Variants in SHANK2 observed in about 807,000 individuals in gnomAD.
The protein encoded by SHANK2 is SH3 and multiple ankyrin repeat domains 2.
Under a neutral mutation model 133.7 loss-of-function variants are expected in SHANK2, and 43 were observed. The ratio of observed to expected loss-of-function variants is 0.32; its 90% CI spans 0.25 to 0.41. The LOEUF (loss-of-function observed/expected upper bound fraction) is 0.41, where lower values mean the gene tolerates loss of function less well. SHANK2 is among the 10% of genes least tolerant of loss of function. SHANK2 has a pLI of 1.00. For missense variants in SHANK2, 1,994 were observed against 2,235.8 expected (o/e 0.89, Z 2.18); for synonymous variants, 1,017 against 952.8 (o/e 1.07, Z -1.24).
intron 17 of SHANK2, among the ~76,000 whole-genome samples, chr11:70,514,981 G>A (rs1554969754): frequency 6.6e-6 from 1 of 152,224 alleles, no homozygotes; most frequent in African/African-American, 2.4e-5. Context: ...CAAAGACACT[G>A]AGAGGCTGAG....
intron 11 of SHANK2, among the ~76,000 whole-genome samples, chr11:70,837,034 C>A (rs1226236967): frequency 6.6e-6 from 1 of 152,178 alleles, no homozygotes; most frequent in Non-Finnish European, 1.5e-5. Context: ...CGTCTGCAAG[C>A]CAGGAAGGGA....
Position 71,147,303 on chromosome 11 carries a change from G to A in SHANK2, c.24C>T (p.Ser8=), listed in dbSNP as rs782379926. 31 of 1,550,714 alleles carry A rather than the reference G, an allele frequency of 2.0e-5. No individual in the cohort carries two copies. Among genetic ancestry groups the A allele is most frequent in the African/African-American group, 1.8e-4 (13 of 73,036 alleles). MPRSPTS[S]EDEMAQSFSD... is the part of the protein sequence containing the mutation. ...AGAAGCTCTGGGCCATCTCGTCCTC[G>A]CTGGATGTTGGGCTGCGCGGCATGG... The change falls in exon 3 of 26, where the codon AGC becomes AGT. Residue 8 remains serine (S), a synonymous_variant. Coordinates refer to ENST00000601538, the MANE Select transcript of SHANK2 (RefSeq NM_012309.5).
At chr11:70,897,781 C>T (rs1949957963) in intron 10 of SHANK2, among the ~76,000 whole-genome samples, 1 of 151,966 alleles carries the variant, frequency 6.6e-6, no homozygotes, top group African/African-American at 2.4e-5. Context: ...AGGACCTTTC[C>T]TTTAGGTCAT....
intron 17 of SHANK2, among the ~76,000 whole-genome samples, chr11:70,625,477 GCAAA>G (rs2060892026): frequency 6.6e-6 from 1 of 152,096 alleles, no homozygotes; most frequent in African/African-American, 2.4e-5. Context: ...AAGCCCCCAG[GCAAA>G]CAGAGACACA....
At chr11:70,687,903 C>G (rs1333508234) in intron 15 of SHANK2, among the ~76,000 whole-genome samples, 1 of 152,202 alleles carries the variant, frequency 6.6e-6, no homozygotes, top group African/African-American at 2.4e-5. Flanking sequence ...CACCGGTGTC[C>G]CCACCATCCA....
chr11:71,211,821 CT>C (rs200050436), intron 2 of SHANK2, among the ~76,000 whole-genome samples: 3,389 of 152,124 alleles, frequency 0.022, 51 homozygotes, highest in African/African-American at 0.034. Flanking sequence ...CTCTTTCATT[CT>C]TTTTTTCACT....
intron 17 of SHANK2, among the ~76,000 whole-genome samples, chr11:70,508,904 G>C (rs1260338830): frequency 2.0e-5 from 3 of 152,136 alleles, no homozygotes; most frequent in African/African-American, 4.8e-5. Flanking sequence ...AAAGAGAGTC[G>C]GGGGAGTCTG....
chr11:70,579,948 C>T (rs549843958), intron 17 of SHANK2, among the ~76,000 whole-genome samples: 5 of 152,198 alleles, frequency 3.3e-5, no homozygotes, highest in Non-Finnish European at 7.3e-5. Flanking sequence ...GTGGAAAAGG[C>T]AAGGAAACAG....
At chr11:70,559,501 C>T (rs1179797712) in intron 17 of SHANK2, among the ~76,000 whole-genome samples, 9 of 152,188 alleles carry the variant, frequency 5.9e-5, no homozygotes, top group African/African-American at 1.9e-4. Context: ...CATTCCCTAG[C>T]AGGACCCCCA....
chr11:70,485,841 G>C lies in SHANK2; in HGVS notation c.4452C>G (p.Asp1484Glu). ...CCTCGATCCCAGAGTCGGCGACGGC[G>C]TCAAAGCTTTCAGGGGGTGGCAGGA... ...ASFLPPPESF[D>E]AVADSGIEEV... Residue 1484 changes from aspartate (D) to glutamate (E), a missense_variant, in exon 25 of 26, where the codon GAC becomes GAG. By Grantham distance (45) the Asp-to-Glu change is conservative (BLOSUM62 2). Around this residue, in one of 5 missense-constraint regions of SHANK2, gnomAD observed 797 missense variants for 907.4 expected, o/e 0.88. Transcript: ENST00000601538. The surrounding 1 kb of genome is among the most constrained non-coding windows in gnomAD (Gnocchi z 5.8). 1 of 1,614,008 alleles carries C rather than the reference G, an allele frequency of 6.2e-7. No homozygotes were observed. The highest frequency in any genetic ancestry group is 2.2e-5 in the East Asian group (1 of 44,878).
Position 71,070,907 on chromosome 11 carries a change from C to A in SHANK2, c.1029+4252G>T, listed in dbSNP as rs1951134220. On this transcript the variant is annotated intron_variant, in intron 9 of 25. Transcript: ENST00000601538. ...CTGAGAGCCCCAGCCAGCTTGGGAC[C>A]CTCCTGGAGCCGGCAGCTGAGGCAT... 2.0e-5 allele frequency among the ~76,000 whole-genome samples: 3 copies of A among 152,264 alleles called. No individual in the cohort carries two copies. In the East Asian group the frequency reaches 5.8e-4, roughly 29 times the overall value.
chr11:70,589,050 C>T (rs1227028007), intron 17 of SHANK2, among the ~76,000 whole-genome samples: 3 of 152,218 alleles, frequency 2.0e-5, no homozygotes. Flanking sequence ...ATCTCCTGAC[C>T]TCATGACCCT....
chr11:70,847,372 G>A (rs1318107909), intron 11 of SHANK2, among the ~76,000 whole-genome samples: 3 of 152,178 alleles, frequency 2.0e-5, no homozygotes, highest in African/African-American at 7.2e-5. Flanking sequence ...GTGGTGACGG[G>A]GTTGGCAGCA....
chr11:71,204,654 G>A (rs929894980), intron 2 of SHANK2, among the ~76,000 whole-genome samples: 7 of 152,152 alleles, frequency 4.6e-5, no homozygotes, highest in Non-Finnish European at 1.0e-4. Flanking sequence ...GGGTCCCCTC[G>A]AGGTTTCAGC....
chr11:70,535,106 G>A lies in SHANK2; in HGVS notation c.2062-32175C>T, dbSNP rs1288402800. Among the ~76,000 whole-genome samples the A allele has an allele frequency of 6.6e-6, 1 of 152,182 alleles. No homozygotes were observed. The highest frequency in any genetic ancestry group is 1.5e-5 in the Non-Finnish European group (1 of 68,026). ...GGAAGACTGGCTTTGGGGCAGGTGA[G>A]GCAGGCACATGAAGTAGTGCTCATG... On this transcript the variant is annotated intron_variant, in intron 17 of 25. Coordinates refer to ENST00000601538, the MANE Select transcript of SHANK2 (RefSeq NM_012309.5). The surrounding 1 kb of genome is among the most constrained non-coding windows in gnomAD (Gnocchi z 4.3).
intron 14 of SHANK2, among the ~76,000 whole-genome samples, chr11:70,699,446 C>G (rs1465875174): frequency 6.6e-6 from 1 of 152,094 alleles, no homozygotes; most frequent in Admixed American, 6.5e-5. Context: ...TAGCAGCTCA[C>G]GAGTTCCTGT....
intron 2 of SHANK2, among the ~76,000 whole-genome samples, chr11:71,202,245 GT>G (rs1555117256): frequency 6.6e-6 from 1 of 152,172 alleles, no homozygotes; most frequent in African/African-American, 2.4e-5. Context: ...GAGGCCACTG[GT>G]TCCCCAGCCC....
intron 2 of SHANK2, among the ~76,000 whole-genome samples, chr11:71,181,826 C>T (rs1033830347): frequency 6.6e-6 from 1 of 152,052 alleles, no homozygotes; most frequent in Non-Finnish European, 1.5e-5. Flanking sequence ...TCCCAGCCCC[C>T]CCTCCCCCGC....
Position 70,502,730 on chromosome 11 carries a change from T to TGGGCGGGGGGGGGG in SHANK2, c.2197+65_2197+66insCCCCCCCCCCGCCC. The TGGGCGGGGGGGGGG allele has an allele frequency of 1.8e-5, 14 of 772,448 alleles. No individual in the cohort carries two copies. In the East Asian group the frequency reaches 2.1e-4, roughly 12 times the overall value. 47.8% of individuals were successfully genotyped at this position (772,448 alleles called of 1,614,324 possible). A position where few individuals can be genotyped will look rare whatever the true frequency, so the allele number is the denominator to read the frequency against. On this transcript the variant is annotated intron_variant, in intron 18 of 25. Transcript: ENST00000601538. Reference sequence around the variant, plus strand: ...AGGGCCCACTGCCCCCCAGCTGTCCTGCCCGCCCCCACCCCCCCCCCCCAG... The same window carrying TGGGCGGGGGGGGGG: ...AGGGCCCACTGCCCCCCAGCTGTCCTGGGCGGGGGGGGGGGCCCGCCCCCACCCCCCCCCCCCAG...
Sources: gnomAD v4.1 joint callset for allele counts (sites outside exome capture counted in the v4.1 genomes callset) on GRCh38, gnomAD v4.1.1 for gene constraint, gnomAD v4.1.1 regional missense constraint, Gnocchi (gnomAD v3.1) non-coding constraint, MANE v1.5 for transcripts, NCBI Gene and HGNC (gene_info 2026-07-23, HGNC 2026-07-21) for gene names.